SEC24D: variants seen among roughly 807,000 people sequenced by gnomAD.
SEC24D encodes the protein SEC24 homolog D, COPII component, also known as protein transport protein Sec24D.
SEC24D carries 69 observed loss-of-function variants against 116.9 expected under a neutral mutation model. That is an observed-to-expected ratio of 0.59 (90% CI 0.49 to 0.72). SEC24D has a LOEUF of 0.72. Among genes scored for constraint, SEC24D ranks in the 30% least tolerant of loss-of-function variants. The probability of loss-of-function intolerance (pLI) is 0.00; values close to 1 mark genes in which losing one functional copy is unlikely to be tolerated. For missense variants in SEC24D, 1,131 were observed against 1,264.1 expected, an observed-to-expected ratio of 0.89 and a Z score of 1.60; for synonymous variants, 405 against 442.8, an observed-to-expected ratio of 0.91 and a Z score of 1.07.
chr4:118,788,392 AC>A (rs1410301869), intron 8 of SEC24D, among the ~76,000 whole-genome samples: 2 of 152,164 alleles, frequency 1.3e-5, no homozygotes, highest in Non-Finnish European at 2.9e-5. Context: ...CACAGTGGAG[AC>A]CTGAAATTAT....
intron 7 of SEC24D, among the ~76,000 whole-genome samples, chr4:118,798,488 C>G (rs1176380664): frequency 6.6e-6 from 1 of 152,114 alleles, no homozygotes; most frequent in Non-Finnish European, 1.5e-5. Context: ...ACTAGAATAA[C>G]TTATCTAAGA....
chr4:118,807,546 G>T (rs1166309838), intron 6 of SEC24D, among the ~76,000 whole-genome samples: 3 of 151,840 alleles, frequency 2.0e-5, no homozygotes, highest in Admixed American at 6.6e-5. Context: ...GGAGAAACAG[G>T]AAGTGTGTCC....
At chr4:118,809,144 T>G (rs925207899) in intron 6 of SEC24D, among the ~76,000 whole-genome samples, 5 of 152,090 alleles carry the variant, frequency 3.3e-5, no homozygotes, top group Non-Finnish European at 7.4e-5. Flanking sequence ...CGGCTATATT[T>G]TGTATTTTTA....
At chr4:118,755,654 C>T (rs1727057696) in intron 11 of SEC24D, among the ~76,000 whole-genome samples, 1 of 151,870 alleles carries the variant, frequency 6.6e-6, no homozygotes, top group African/African-American at 2.4e-5. Flanking sequence ...AAGAGATTAA[C>T]ACACTCTCAG....
chr4:118,736,765 T>G (rs17323606), intron 19 of SEC24D, among the ~76,000 whole-genome samples: 24,999 of 152,214 alleles, frequency 0.16, 2,229 homozygotes, highest in East Asian at 0.2. Flanking sequence ...AAAGTGCTAA[T>G]GGAAAAACCT....
At chr4:118,819,399 T>C (rs151230332) in intron 3 of SEC24D, among the ~76,000 whole-genome samples, 6,607 of 151,440 alleles carry the variant, frequency 0.044, 196 homozygotes, top group Non-Finnish European at 0.064. Context: ...GGCGTGGTGG[T>C]GGGCGCCTGT....
chr4:118,776,746 AT>A (rs1477966282), intron 8 of SEC24D, among the ~76,000 whole-genome samples: 3 of 152,130 alleles, frequency 2.0e-5, no homozygotes. Flanking sequence ...TTTATCTTTT[AT>A]CTCTATGGGA....
At chr4:118,729,105 G>A (rs1043896980) in intron 21 of SEC24D, 21 of 152,336 alleles carry the variant, frequency 1.4e-4, no homozygotes, top group Admixed American at 1.0e-3. Flanking sequence ...TGTATTAGGT[G>A]TTATAAGTAA....
In SEC24D at chr4:118,732,887, A is replaced by G; in HGVS notation, c.2522T>C (p.Val841Ala). ...CAAGCAATTCATGTACACTGGCAAT[A>G]CTTTCATGGAATCTGGTAGAATAAG... is the stretch of plus-strand genomic sequence containing the variant. ...SQLILPDSMK[V>A]LPVYMNCLLK... Residue 841 changes from valine to alanine, a missense_variant, in exon 20 of 23, where the codon GTA becomes GCA. Transcript: ENST00000280551. The G allele has an allele frequency of 1.9e-6, 3 of 1,613,774 alleles. No homozygotes were observed.
intron 12 of SEC24D, 103 bp downstream of exon 12, chr4:118,752,594 C>A (rs180928573): frequency 1.3e-6 from 1 of 746,662 alleles, no homozygotes. Context: ...GTCTTGAAAC[C>A]CCCTTGCTAA....
At chr4:118,734,694 CGT>C (rs1491442086) in intron 19 of SEC24D, among the ~76,000 whole-genome samples, 1 of 152,184 alleles carries the variant, frequency 6.6e-6, no homozygotes, top group African/African-American at 2.4e-5. Flanking sequence ...CTCAGGCAAA[CGT>C]ATTTCAGAAT....
At chr4:118,832,277 G>A (rs948270597) in intron 2 of SEC24D, among the ~76,000 whole-genome samples, 1 of 152,150 alleles carries the variant, frequency 6.6e-6, no homozygotes, top group African/African-American at 2.4e-5. Context: ...AACCAAAGGA[G>A]AAAAGAGTTT....
intron 8 of SEC24D, among the ~76,000 whole-genome samples, chr4:118,790,891 A>G (rs1190108924): frequency 6.7e-6 from 1 of 148,584 alleles, no homozygotes; most frequent in Non-Finnish European, 1.5e-5. Context: ...TGGCAATACT[A>G]GATAAGCAAA....
In SEC24D at chr4:118,773,843, T is replaced by C. The variant is rs371319698; in HGVS notation, c.1042-5532A>G. 5.0e-4 allele frequency among the ~76,000 whole-genome samples: 76 copies of C among 152,270 alleles called. 1 individual carries two copies. Among genetic ancestry groups the C allele is most frequent in the African/African-American group, 1.7e-3 (72 of 41,578 alleles). On this transcript the variant is annotated intron_variant, in intron 8 of 22. Coordinates refer to ENST00000280551, the MANE Select transcript of SEC24D (RefSeq NM_014822.4). ...GTATATGACATTTACCTGGCCTATA[T>C]GGACAAAAAAGGTACAGTTCAATAG... is the stretch of plus-strand genomic sequence containing the variant.
At chr4:118,752,914 A>G in intron 11 of SEC24D, 26 bp from the exon 12 acceptor site, 4 of 1,500,960 alleles carry the variant, frequency 2.7e-6, no homozygotes, top group Non-Finnish European at 3.6e-6. Context: ...AAAGTGTTTG[A>G]GATGCTTTAT....
intron 8 of SEC24D, among the ~76,000 whole-genome samples, chr4:118,778,088 T>A (rs1289723281): frequency 6.6e-6 from 1 of 152,254 alleles, no homozygotes; most frequent in African/African-American, 2.4e-5. Context: ...TTTCTTTTGC[T>A]GTGCAGAAGC....
At chr4:118,726,521 G>A (rs59721606) in intron 22 of SEC24D, among the ~76,000 whole-genome samples, 6,229 of 152,200 alleles carry the variant, frequency 0.041, 192 homozygotes, top group East Asian at 0.17. Flanking sequence ...GTATATTGCC[G>A]GTGTTCAATA....
intron 9 of SEC24D, 43 bp downstream of exon 9, chr4:118,768,130 T>C: frequency 6.4e-7 from 1 of 1,556,586 alleles, no homozygotes; most frequent in Non-Finnish European, 8.8e-7. Flanking sequence ...TACATTTTAG[T>C]TAATAAAGAA....
At chr4:118,818,349 G>A (rs1489754845) in intron 3 of SEC24D, among the ~76,000 whole-genome samples, 1 of 152,126 alleles carries the variant, frequency 6.6e-6, no homozygotes, top group Non-Finnish European at 1.5e-5. Context: ...CCATTGAGAG[G>A]TTAGGAGCAG....
Sources: gnomAD v4.1 joint callset for allele counts (sites outside exome capture counted in the v4.1 genomes callset) on GRCh38, gnomAD v4.1.1 for gene constraint, MANE v1.5 for transcripts, NCBI Gene and HGNC (gene_info 2026-07-23, HGNC 2026-07-21) for gene names.